The following SEC24B variants were observed in gnomAD, a reference collection of about 807,000 sequenced individuals.
The protein encoded by SEC24B is protein transport protein Sec24B.
A neutral mutation model predicts 142.8 loss-of-function variants in SEC24B; 45 were observed. The ratio of observed to expected loss-of-function variants is 0.32; its 90% CI spans 0.25 to 0.40. The LOEUF (loss-of-function observed/expected upper bound fraction) is 0.40, where lower values mean the gene tolerates loss of function less well. SEC24B is among the 10% of genes least tolerant of loss of function. The pLI is 1.00. For synonymous variants in SEC24B, 574 were observed against 568.2 expected, an observed-to-expected ratio of 1.01 and a Z score of -0.15; for missense variants, 1,409 against 1,526.8, an observed-to-expected ratio of 0.92 and a Z score of 1.29.
At chr4:109,527,565 G>A in intron 18 of SEC24B, 133 bp downstream of exon 18, 1 of 621,590 alleles carries the variant, frequency 1.6e-6, no homozygotes, top group Non-Finnish European at 2.8e-6. Context: ...GAGGTCAGGA[G>A]TTTGAGACCA....
chr4:109,501,117 C>T (rs1736091086), intron 6 of SEC24B, among the ~76,000 whole-genome samples: 1 of 152,154 alleles, frequency 6.6e-6, no homozygotes, highest in Non-Finnish European at 1.5e-5. Flanking sequence ...ACTAGGTGTC[C>T]TATGCAAGTG....
chr4:109,491,741 T>C (rs921298122), intron 5 of SEC24B, among the ~76,000 whole-genome samples: 1 of 152,172 alleles, frequency 6.6e-6, no homozygotes, highest in Non-Finnish European at 1.5e-5. Context: ...GTCTTTGAAT[T>C]TGAATTCTTT....
At chr4:109,489,643 G>GATATATTATA (rs61653981) in intron 4 of SEC24B, among the ~76,000 whole-genome samples, 39,321 of 141,140 alleles carry the variant, frequency 0.28, 9,492 homozygotes, top group African/African-American at 0.66. Context: ...GTATATATAT[G>GATATATTATA]ATATATATGG....
chr4:109,534,967 G>A (rs1049708557), intron 22 of SEC24B, among the ~76,000 whole-genome samples: 7 of 151,998 alleles, frequency 4.6e-5, no homozygotes, highest in Non-Finnish European at 1.0e-4. Flanking sequence ...TGTGAGCCAC[G>A]GTGCTTGGCC....
chr4:109,518,054 G>A (rs1401357727), intron 11 of SEC24B, among the ~76,000 whole-genome samples: 4 of 152,042 alleles, frequency 2.6e-5, no homozygotes, highest in Non-Finnish European at 5.9e-5. Flanking sequence ...TGCAACTTCC[G>A]CCTTCTGGGT....
chr4:109,486,521 CCTCT>C (rs1479280261), intron 4 of SEC24B, among the ~76,000 whole-genome samples: 1 of 152,136 alleles, frequency 6.6e-6, no homozygotes, highest in Non-Finnish European at 1.5e-5. Flanking sequence ...ATTTCAGCTC[CCTCT>C]CTTTTTCTCT....
chr4:109,515,869 C>T (rs1264864969), intron 10 of SEC24B, among the ~76,000 whole-genome samples: 1 of 149,380 alleles, frequency 6.7e-6, no homozygotes, highest in Admixed American at 6.7e-5. Flanking sequence ...GTGAACCCCC[C>T]CCCACCCCCA....
intron 11 of SEC24B, among the ~76,000 whole-genome samples, chr4:109,518,741 G>A (rs911014220): frequency 2.6e-5 from 4 of 151,616 alleles, no homozygotes; most frequent in Admixed American, 6.6e-5. Flanking sequence ...GAGTGGCAAC[G>A]GAAGACTGCT....
chr4:109,531,238 C>A (rs1724896910), intron 19 of SEC24B, 147 bp from the exon 20 acceptor site: 3 of 635,032 alleles, frequency 4.7e-6, no homozygotes, highest in South Asian at 4.4e-5. Context: ...GCATCACATA[C>A]CTATTAAATG....
At chr4:109,539,065 G>A (rs540511046) in intron 23 of SEC24B, among the ~76,000 whole-genome samples, 2 of 152,056 alleles carry the variant, frequency 1.3e-5, no homozygotes, top group South Asian at 2.1e-4. Flanking sequence ...GGATTCAAGC[G>A]ATTCGCCTGC....
At chr4:109,434,190 A>G (rs1169232272) in intron 1 of SEC24B, among the ~76,000 whole-genome samples, 188 bp downstream of exon 1, 1 of 143,858 alleles carries the variant, frequency 7.0e-6, no homozygotes, top group East Asian at 2.1e-4. Context: ...CAGGGAAGGC[A>G]CGGCGCGGGG....
chr4:109,506,229 A>G (rs961537934), intron 6 of SEC24B, 99 bp from the exon 7 acceptor site: 1 of 832,418 alleles, frequency 1.2e-6, no homozygotes, highest in East Asian at 3.3e-5. Flanking sequence ...AAATTTTCTT[A>G]CCTTTTTGCT....
At chr4:109,474,833 C>T (rs1732932137) in intron 3 of SEC24B, among the ~76,000 whole-genome samples, 1 of 152,156 alleles carries the variant, frequency 6.6e-6, no homozygotes, top group South Asian at 2.1e-4. Context: ...AATTATGTTT[C>T]TTCTTTTTTC....
chr4:109,452,753 GT>G (rs1198858255), intron 1 of SEC24B, among the ~76,000 whole-genome samples: 1 of 152,064 alleles, frequency 6.6e-6, no homozygotes, highest in African/African-American at 2.4e-5. Flanking sequence ...TTTTAGTTGA[GT>G]TTTAAGAGTT....
intron 2 of SEC24B, among the ~76,000 whole-genome samples, chr4:109,469,406 C>T (rs2125950231): frequency 6.6e-6 from 1 of 152,294 alleles, no homozygotes; most frequent in South Asian, 2.1e-4. Flanking sequence ...AGTAAAAACA[C>T]TTAGTGCTAT....
intron 1 of SEC24B, among the ~76,000 whole-genome samples, chr4:109,454,632 T>G (rs1730471006): frequency 6.6e-6 from 1 of 152,196 alleles, no homozygotes; most frequent in African/African-American, 2.4e-5. Flanking sequence ...GACTTTCTGT[T>G]GCCTGCCTGT....
chr4:109,521,207 A>G lies in SEC24B; in HGVS notation c.2301+35A>G, dbSNP rs759947157. 4 of 1,300,682 alleles carry G rather than the reference A, an allele frequency of 3.1e-6. No homozygotes were observed. The South Asian group carries it at 3.8e-5, about 12-fold the overall frequency. The allele number at this position is 1,300,682 out of a possible 1,614,324, so 80.6% of individuals were successfully genotyped here. ...ATTTATTTTCTTAAAGCATAAAAATATTTATATTGTGACTGGTAACTAAAA... is the reference window on the plus strand; with the variant it reads ...ATTTATTTTCTTAAAGCATAAAAATGTTTATATTGTGACTGGTAACTAAAA... On this transcript the variant is annotated intron_variant, in intron 13 of 23. Coordinates refer to ENST00000265175, the MANE Select transcript of SEC24B (RefSeq NM_006323.5).
In SEC24B at chr4:109,538,582, C is replaced by A; in HGVS notation, c.3678C>A (p.Ile1226=). Residue 1226 remains isoleucine (I), a synonymous_variant, in exon 23 of 24, where the codon ATC becomes ATA. Transcript: ENST00000265175. ...GAGACAGCAGACCATTAAGTCCAAT[C>A]CTTCACATAGTAAAGTAAGTACTTT... ...WLRDSRPLSP[I]LHIVKDESPA... The A allele has an allele frequency of 6.3e-7, 1 of 1,595,214 alleles. No homozygotes were observed. Among genetic ancestry groups the A allele is most frequent in the Non-Finnish European group, 8.6e-7 (1 of 1,162,844 alleles).
intron 3 of SEC24B, among the ~76,000 whole-genome samples, chr4:109,478,243 G>T (rs1733378148): frequency 6.6e-6 from 1 of 151,248 alleles, no homozygotes; most frequent in Non-Finnish European, 1.5e-5. Context: ...CTGAGATCAT[G>T]CCACTGCACT....
Sources: allele counts gnomAD v4.1 joint callset (sites outside exome capture counted in the v4.1 genomes callset), GRCh38; gene constraint gnomAD v4.1.1; transcripts MANE v1.5; gene names NCBI Gene and HGNC (gene_info 2026-07-23, HGNC 2026-07-21).